The following GRIK3 variants were observed in gnomAD, a reference collection of about 807,000 sequenced individuals.
GRIK3 encodes glutamate ionotropic receptor kainate type subunit 3, also known as glutamate receptor ionotropic, kainate 3.
GRIK3 carries 29 observed loss-of-function variants against 102.5 expected under a neutral mutation model. The ratio of observed to expected loss-of-function variants is 0.28; its 90% CI spans 0.21 to 0.39. The LOEUF (loss-of-function observed/expected upper bound fraction) is 0.39, where lower values mean the gene tolerates loss of function less well. Among genes scored for constraint, GRIK3 ranks in the 10% least tolerant of loss-of-function variants. GRIK3 has a pLI of 1.00. For synonymous variants in GRIK3, 511 were observed against 504.9 expected (o/e 1.01, Z -0.16); for missense variants, 908 against 1,252.4 (o/e 0.73, Z 4.15).
chr1:37,021,091 AGTGTGTGT>A (rs140990633), intron 1 of GRIK3, among the ~76,000 whole-genome samples: 20 of 144,022 alleles, frequency 1.4e-4, no homozygotes, highest in South Asian at 4.6e-4. Flanking sequence ...CAAATTTGCA[AGTGTGTGT>A]GTGTGTGTGT....
chr1:36,903,096 A>C (rs1187049465), intron 1 of GRIK3, among the ~76,000 whole-genome samples: 1 of 152,182 alleles, frequency 6.6e-6, no homozygotes. Flanking sequence ...CTGATGATGG[A>C]CTATTATCCA....
chr1:36,871,149 A>T (rs1426321334), intron 4 of GRIK3, among the ~76,000 whole-genome samples: 1 of 152,144 alleles, frequency 6.6e-6, no homozygotes, highest in Non-Finnish European at 1.5e-5. Flanking sequence ...TCTACAGAGG[A>T]GGGGAATGAC....
rs1276687651 is a variant in GRIK3 at position 36,931,149 on chromosome 1, TTC to T, written c.116-40055_116-40054del. 2.6e-5 allele frequency among the ~76,000 whole-genome samples: 4 copies of T among 152,348 alleles called. No homozygotes were observed. The East Asian group carries it at 7.7e-4, about 29-fold the overall frequency. On this transcript the variant is annotated intron_variant, in intron 1 of 15. Transcript: ENST00000373091. ...TATCACAAGTCTTCATACCAGCAAGTTCTTTCTCTGTAAAGTAAATTTGTCAA... is the reference window on the plus strand; with the variant it reads ...TATCACAAGTCTTCATACCAGCAAGTTTTCTCTGTAAAGTAAATTTGTCAA...
chr1:36,836,395 C>T (rs926224078), intron 10 of GRIK3, among the ~76,000 whole-genome samples: 1 of 152,264 alleles, frequency 6.6e-6, no homozygotes, highest in African/African-American at 2.4e-5. Context: ...CCTCATTCAG[C>T]GAGGCTGCTC....
At chr1:36,975,725 C>T (rs1642189778) in intron 1 of GRIK3, among the ~76,000 whole-genome samples, 1 of 152,190 alleles carries the variant, frequency 6.6e-6, no homozygotes, top group African/African-American at 2.4e-5. Flanking sequence ...ATGATATCCC[C>T]ACTGCTGCGT....
intron 5 of GRIK3, among the ~76,000 whole-genome samples, chr1:36,863,087 A>G (rs1640744678): frequency 6.6e-6 from 1 of 152,210 alleles, no homozygotes; most frequent in African/African-American, 2.4e-5. Flanking sequence ...ACATGGGCAC[A>G]CGACTAGGAT....
intron 1 of GRIK3, among the ~76,000 whole-genome samples, chr1:36,996,773 G>GC (rs1642423687): frequency 6.6e-6 from 1 of 152,226 alleles, no homozygotes; most frequent in Non-Finnish European, 1.5e-5. Context: ...ATAAGAATGA[G>GC]CTTCCAGGGG....
chr1:36,988,630 C>A (rs1642331470), intron 1 of GRIK3, among the ~76,000 whole-genome samples: 1 of 152,228 alleles, frequency 6.6e-6, no homozygotes, highest in South Asian at 2.1e-4. Context: ...AGTGCCGAGT[C>A]ACAGAAAACG....
At chr1:37,032,812 C>T (rs1472233638) in intron 1 of GRIK3, among the ~76,000 whole-genome samples, 1 of 152,160 alleles carries the variant, frequency 6.6e-6, no homozygotes, top group African/African-American at 2.4e-5. Context: ...GAGACCCACC[C>T]GCTGGGTTTC....
At chr1:36,898,727 G>A (rs1027095590) in intron 1 of GRIK3, among the ~76,000 whole-genome samples, 1 of 152,024 alleles carries the variant, frequency 6.6e-6, no homozygotes, top group African/African-American at 2.4e-5. Context: ...GAATTGCAAA[G>A]GAATCCAAAT....
chr1:36,903,095 G>T (rs1641249251), intron 1 of GRIK3, among the ~76,000 whole-genome samples: 2 of 152,098 alleles, frequency 1.3e-5, no homozygotes, highest in Admixed American at 1.3e-4. Flanking sequence ...CCTGATGATG[G>T]ACTATTATCC....
Position 37,008,110 on chromosome 1 carries a change from G to A in GRIK3, c.115+25884C>T, listed in dbSNP as rs369744374. On this transcript the variant is annotated intron_variant, in intron 1 of 15. Coordinates refer to ENST00000373091, the MANE Select transcript of GRIK3 (RefSeq NM_000831.4). ...CCACATATGTCCCCTCCCAGCACGC[G>A]GAGGGGCCTGGTTGAGAGGCTTTGC... Among the ~76,000 whole-genome samples the A allele has an allele frequency of 5.9e-5, 9 of 152,310 alleles. No homozygotes were observed. In the South Asian group the frequency reaches 1.5e-3, roughly 25 times the overall value.
intron 1 of GRIK3, among the ~76,000 whole-genome samples, chr1:36,957,056 A>G (rs552205153): frequency 2.4e-4 from 37 of 152,384 alleles, no homozygotes; most frequent in African/African-American, 8.7e-4. Context: ...AGGCTTCGGC[A>G]GATGCCACAC....
At chr1:36,882,002 C>T (rs1406805814) in intron 2 of GRIK3, among the ~76,000 whole-genome samples, 9 of 111,354 alleles carry the variant, frequency 8.1e-5, no homozygotes, top group Non-Finnish European at 1.2e-4. Context: ...GACTCCCTCC[C>T]CCTCCTCCTT....
At chr1:36,954,784 A>G (rs959580671) in intron 1 of GRIK3, among the ~76,000 whole-genome samples, 5 of 152,220 alleles carry the variant, frequency 3.3e-5, no homozygotes, top group Non-Finnish European at 7.3e-5. Flanking sequence ...AATCACAGAA[A>G]AAAACCAGCT....
intron 1 of GRIK3, among the ~76,000 whole-genome samples, chr1:36,971,136 C>T (rs1177664152): frequency 1.3e-5 from 2 of 152,220 alleles, no homozygotes; most frequent in East Asian, 1.9e-4. Context: ...TGGAGAACCT[C>T]CTTCACCTCC....
At chr1:36,807,423 T>G (rs536399726) in intron 13 of GRIK3, among the ~76,000 whole-genome samples, 164 of 152,286 alleles carry the variant, frequency 1.1e-3, no homozygotes, top group African/African-American at 3.6e-3. Flanking sequence ...CAGGCCCCAC[T>G]GAGCCCGGCT....
At chr1:36,868,674 C>T (rs1481547416) in intron 5 of GRIK3, among the ~76,000 whole-genome samples, 1 of 152,232 alleles carries the variant, frequency 6.6e-6, no homozygotes, top group Non-Finnish European at 1.5e-5. Flanking sequence ...TCCTGCATAC[C>T]ATGAAGAGCT....
Position 36,825,657 on chromosome 1 carries a change from A to T in GRIK3, c.1700T>A (p.Met567Lys), listed in dbSNP as rs1363623300. Residue 567 changes from methionine to lysine, a missense_variant, in exon 11 of 16, where the codon ATG becomes AAG. Met to Lys is a moderately conservative substitution (Grantham distance 95). Coordinates refer to ENST00000373091, the MANE Select transcript of GRIK3 (RefSeq NM_000831.4). Reference protein sequence around the residue: ...FLNPLSPDIWMYVLLAYLGVS... With the variant: ...FLNPLSPDIWKYVLLAYLGVS... Reference sequence around the variant, plus strand: ...CCCCAGGTAGGCGAGGAGAACATACATCCAGATGTCTGGGGACAGGGGATT... The same window carrying T: ...CCCCAGGTAGGCGAGGAGAACATACTTCCAGATGTCTGGGGACAGGGGATT... The T allele has an allele frequency of 1.9e-6, 3 of 1,612,052 alleles. No homozygotes were observed. Among genetic ancestry groups the T allele is most frequent in the Non-Finnish European group, 2.5e-6 (3 of 1,179,080 alleles).
Sources: gnomAD v4.1 joint callset for allele counts (sites outside exome capture counted in the v4.1 genomes callset) on GRCh38, gnomAD v4.1.1 for gene constraint, MANE v1.5 for transcripts, NCBI Gene and HGNC (gene_info 2026-07-23, HGNC 2026-07-21) for gene names.